Variants in NAA15 observed in about 807,000 individuals in gnomAD.
NAA15 encodes the protein N-alpha-acetyltransferase 15, NatA auxiliary subunit.
NAA15 carries 34 observed loss-of-function variants against 114.0 expected under a neutral mutation model. That is an observed-to-expected ratio of 0.30 (90% CI 0.23 to 0.40). The LOEUF is 0.40. Ranked by LOEUF, NAA15 falls within the 10% of genes least tolerant of loss-of-function variation. NAA15 has a pLI of 1.00. For missense variants in NAA15, 658 were observed against 1,004.5 expected, an observed-to-expected ratio of 0.66 and a Z score of 4.66; for synonymous variants, 340 against 338.0, an observed-to-expected ratio of 1.01 and a Z score of -0.06.
rs766272526 is a variant in NAA15 at position 139,336,933 on chromosome 4, T to C, written c.225T>C (p.Asn75=). 7 of 1,599,048 alleles carry C rather than the reference T, an allele frequency of 4.4e-6. No individual in the cohort carries two copies. The South Asian group carries it at 7.9e-5, about 18-fold the overall frequency. ...AYELVRRGLR[N]DLKSHVCWHV... Reference sequence around the variant, plus strand: ...AATTGGTTCGTAGAGGTTTGAGAAATGACTTGAAGAGTCATGTGTGTATCC... The same window carrying C: ...AATTGGTTCGTAGAGGTTTGAGAAACGACTTGAAGAGTCATGTGTGTATCC... Residue 75 remains asparagine, a synonymous_variant, in exon 3 of 20, where the codon AAT becomes AAC. Coordinates refer to ENST00000296543, the MANE Select transcript of NAA15 (RefSeq NM_057175.5).
chr4:139,333,027 G>A (rs1023698380), intron 1 of NAA15, among the ~76,000 whole-genome samples: 2 of 152,032 alleles, frequency 1.3e-5, no homozygotes, highest in African/African-American at 4.8e-5. Flanking sequence ...ACATCCTCTT[G>A]TATACTGTAA....
At chr4:139,341,669 G>A (rs1000916646) in intron 4 of NAA15, among the ~76,000 whole-genome samples, 6 of 145,294 alleles carry the variant, frequency 4.1e-5, no homozygotes, top group Non-Finnish European at 9.0e-5. Context: ...GTATTGACAT[G>A]TAACTCTAAC....
chr4:139,318,561 A>G (rs1354321073), intron 1 of NAA15: 1 of 152,222 alleles, frequency 6.6e-6, no homozygotes, highest in Non-Finnish European at 1.5e-5. Flanking sequence ...GTGGTCTAAA[A>G]TGTCAAAGGA....
chr4:139,347,456 A>AC (rs1449401768), intron 6 of NAA15, among the ~76,000 whole-genome samples: 3 of 151,678 alleles, frequency 2.0e-5, no homozygotes, highest in East Asian at 3.9e-4. Flanking sequence ...ACATAAGGAA[A>AC]CCCCATCTCT....
At chr4:139,357,607 CT>C in intron 11 of NAA15, 52 bp downstream of exon 11, 1 of 1,182,390 alleles carries the variant, frequency 8.5e-7, no homozygotes, top group Non-Finnish European at 1.2e-6. Flanking sequence ...TTGTCATGAA[CT>C]TTTTCTCTGT....
intron 10 of NAA15, among the ~76,000 whole-genome samples, chr4:139,356,121 A>G (rs1747941190): frequency 6.6e-6 from 1 of 152,222 alleles, no homozygotes; most frequent in East Asian, 1.9e-4. Flanking sequence ...AGCATATTTG[A>G]TGTTTTATAT....
At chr4:139,357,307 T>TA in intron 10 of NAA15, 79 bp from the exon 11 acceptor site, 1 of 1,221,896 alleles carries the variant, frequency 8.2e-7, no homozygotes, top group Non-Finnish European at 1.2e-6. Flanking sequence ...CCCTTGTTAA[T>TA]AAACATAGGG....
At chr4:139,343,006 T>TA (rs1392024810) in intron 5 of NAA15, 46 bp downstream of exon 5, 4 of 1,518,716 alleles carry the variant, frequency 2.6e-6, no homozygotes, top group Non-Finnish European at 3.6e-6. Context: ...TAAGTATAAC[T>TA]AAAAAAATAA....
At chr4:139,309,430 T>A (rs1206867081) in intron 1 of NAA15, among the ~76,000 whole-genome samples, 5 of 54,880 alleles carry the variant, frequency 9.1e-5, no homozygotes, top group African/African-American at 1.6e-4. Context: ...TTTTTAAGTG[T>A]GTGTGTGTGT....
chr4:139,377,878 T>C (rs1350267895), intron 16 of NAA15, among the ~76,000 whole-genome samples: 3 of 152,182 alleles, frequency 2.0e-5, no homozygotes, highest in Non-Finnish European at 4.4e-5. Flanking sequence ...CCCCAAAGTA[T>C]AAAATTCAAA....
At position 139,346,885 on chromosome 4, in the gene NAA15, A is replaced by G. The variant is rs543140812; in HGVS notation, c.691+2546A>G. 5.6e-4 allele frequency among the ~76,000 whole-genome samples: 86 copies of G among 152,248 alleles called. 1 individual carries two copies. Among genetic ancestry groups the G allele is most frequent in the Non-Finnish European group, 9.1e-4 (62 of 68,022 alleles). ...TCCTTCTGCTCAGAAAAGGTAGAAG[A>G]TAGAGGGAAGGAAACGAGGATGGGT... is the stretch of plus-strand genomic sequence containing the variant. On this transcript the variant is annotated intron_variant, in intron 6 of 19. Coordinates refer to ENST00000296543, the MANE Select transcript of NAA15 (RefSeq NM_057175.5).
chr4:139,332,572 G>GT (rs1164115947), intron 1 of NAA15, among the ~76,000 whole-genome samples: 1,553 of 61,930 alleles, frequency 0.025, 537 homozygotes, highest in Non-Finnish European at 0.031. Context: ...TGGTTTGTAT[G>GT]TTTTTTTTTT....
intron 14 of NAA15, among the ~76,000 whole-genome samples, chr4:139,366,042 GTT>G (rs1748272619): frequency 6.8e-6 from 1 of 146,492 alleles, no homozygotes; most frequent in South Asian, 2.2e-4. Context: ...TTTGCGTTTT[GTT>G]TTTAGTATTA....
chr4:139,382,635 A>G (rs1748785912), intron 17 of NAA15, among the ~76,000 whole-genome samples: 1 of 152,116 alleles, frequency 6.6e-6, no homozygotes, highest in Non-Finnish European at 1.5e-5. Context: ...ACCTATTTTA[A>G]TAACTTTTTT....
intron 6 of NAA15, among the ~76,000 whole-genome samples, chr4:139,344,717 G>A (rs529317438): frequency 1.3e-5 from 2 of 152,230 alleles, no homozygotes; most frequent in South Asian, 4.1e-4. Flanking sequence ...TGTAGTATGT[G>A]CCAGATTTAT....
chr4:139,378,808 T>C lies in NAA15; in HGVS notation c.2109T>C (p.Ser703=), dbSNP rs1326861864. 3.2e-6 allele frequency: 5 copies of C among 1,555,686 alleles called. No homozygotes were observed. In the African/African-American group the frequency reaches 4.3e-5, roughly 13 times the overall value. ...QSVKRAFAID[S]SHPWLHECMI... ...TAAAGAGGGCATTTGCTATTGATTC[T>C]AGTCATCCCTGGCTTCATGAGTGTA... The change falls in exon 17 of 20, where the codon TCT becomes TCC. Residue 703 remains serine (S), a synonymous_variant. Coordinates refer to ENST00000296543, the MANE Select transcript of NAA15 (RefSeq NM_057175.5).
At chr4:139,383,078 T>G (rs1748796886) in intron 17 of NAA15, among the ~76,000 whole-genome samples, 1 of 152,182 alleles carries the variant, frequency 6.6e-6, no homozygotes, top group Admixed American at 6.5e-5. Context: ...TTTGTCGCAG[T>G]ACAAATACCT....
intron 4 of NAA15, among the ~76,000 whole-genome samples, 188 bp from the exon 5 acceptor site, chr4:139,342,638 C>T (rs1175795837): frequency 6.6e-6 from 1 of 151,848 alleles, no homozygotes; most frequent in Non-Finnish European, 1.5e-5. Flanking sequence ...TTGATAGAGA[C>T]GGGGTTTCAC....
At chr4:139,356,227 A>G (rs998842942) in intron 10 of NAA15, among the ~76,000 whole-genome samples, 1 of 152,214 alleles carries the variant, frequency 6.6e-6, no homozygotes, top group African/African-American at 2.4e-5. Flanking sequence ...AAATGGTCCC[A>G]TTCTTTACAT....
Sources: gnomAD v4.1 joint callset for allele counts (sites outside exome capture counted in the v4.1 genomes callset) on GRCh38, gnomAD v4.1.1 for gene constraint, MANE v1.5 for transcripts, NCBI Gene and HGNC (gene_info 2026-07-23, HGNC 2026-07-21) for gene names.